The following GLIPR1L2 variants were observed in gnomAD, a reference collection of about 807,000 sequenced individuals.
GLIPR1L2 encodes GLIPR1 like 2.
In GLIPR1L2, 21 loss-of-function variants were observed where a neutral mutation model predicts 28.4. The ratio of observed to expected loss-of-function variants is 0.74; its 90% CI spans 0.52 to 1.06. GLIPR1L2 has a LOEUF of 1.06. Ranked by LOEUF, GLIPR1L2 falls within the 50% of genes least tolerant of loss-of-function variation. The pLI is 0.00. For synonymous variants in GLIPR1L2, 145 were observed against 139.3 expected (o/e 1.04, Z -0.29); for missense variants, 476 against 416.9 (o/e 1.14, Z -1.23).
intron 3 of GLIPR1L2, among the ~76,000 whole-genome samples, chr12:75,414,717 A>G (rs1044924159): frequency 6.6e-6 from 1 of 151,978 alleles, no homozygotes; most frequent in Non-Finnish European, 1.5e-5. Context: ...AAAAATTACT[A>G]CTGATTGGTC....
At chr12:75,408,706 TTA>T (rs2045829520) in intron 1 of GLIPR1L2, among the ~76,000 whole-genome samples, 1 of 151,996 alleles carries the variant, frequency 6.6e-6, no homozygotes, top group Non-Finnish European at 1.5e-5. Flanking sequence ...GCAAATCTAG[TTA>T]TGTTAATATG....
intron 1 of GLIPR1L2, among the ~76,000 whole-genome samples, chr12:75,408,659 G>A (rs1272912701): frequency 6.6e-6 from 1 of 151,966 alleles, no homozygotes; most frequent in African/African-American, 2.4e-5. Flanking sequence ...ATAGGTATCC[G>A]TGCTGCGGAA....
intron 1 of GLIPR1L2, among the ~76,000 whole-genome samples, chr12:75,400,327 C>T (rs758068527): frequency 4.6e-5 from 7 of 151,852 alleles, no homozygotes; most frequent in Non-Finnish European, 1.0e-4. Context: ...GTTTTCACCA[C>T]GTTATAGGAT....
chr12:75,406,539 T>G (rs2139934867), intron 1 of GLIPR1L2, among the ~76,000 whole-genome samples: 1 of 152,120 alleles, frequency 6.6e-6, no homozygotes, highest in Non-Finnish European at 1.5e-5. Flanking sequence ...GGAGGATCAC[T>G]TGAGCCCAGG....
chr12:75,391,437 G>A, intron 1 of GLIPR1L2, 87 bp downstream of exon 1: 1 of 1,600,726 alleles, frequency 6.2e-7, no homozygotes, highest in Non-Finnish European at 8.5e-7. Context: ...CCACTGCTCT[G>A]AGGCTGAAGG....
At chr12:75,411,716 C>G (rs2045869723) in intron 2 of GLIPR1L2, among the ~76,000 whole-genome samples, 1 of 151,944 alleles carries the variant, frequency 6.6e-6, no homozygotes, top group South Asian at 2.1e-4. Context: ...TGCAGATACT[C>G]TATTCTTTAT....
intron 1 of GLIPR1L2, among the ~76,000 whole-genome samples, chr12:75,391,827 C>T (rs2139905654): frequency 6.6e-6 from 1 of 151,886 alleles, no homozygotes; most frequent in Non-Finnish European, 1.5e-5. Context: ...TAGCTTTTTC[C>T]ATCATCGATG....
At chr12:75,399,954 T>G (rs1253331887) in intron 1 of GLIPR1L2, among the ~76,000 whole-genome samples, 1 of 152,186 alleles carries the variant, frequency 6.6e-6, no homozygotes, top group Non-Finnish European at 1.5e-5. Context: ...AAGGAAATGG[T>G]ATCCCTAAAC....
At position 75,409,185 on chromosome 12, in the gene GLIPR1L2, C is replaced by G. The variant is rs192655093; in HGVS notation, c.235-1249C>G. On this transcript the variant is annotated intron_variant, in intron 1 of 5. Coordinates refer to ENST00000550916, the MANE Select transcript of GLIPR1L2 (RefSeq NM_001270396.2). ...TAGTGTTAGTGTATTTTATGTGTGG[C>G]CTAAGACAATTCTTCTTCCAATGTG... Among the ~76,000 whole-genome samples the G allele has an allele frequency of 1.2e-3, 185 of 151,922 alleles. 1 individual carries two copies. Among genetic ancestry groups the G allele is most frequent in the African/African-American group, 4.1e-3 (170 of 41,488 alleles).
chr12:75,406,538 C>T (rs1181784607), intron 1 of GLIPR1L2, among the ~76,000 whole-genome samples: 1 of 152,000 alleles, frequency 6.6e-6, no homozygotes, highest in African/African-American at 2.4e-5. Flanking sequence ...GGGAGGATCA[C>T]TTGAGCCCAG....
At chr12:75,412,508 A>T (rs1018471828) in intron 2 of GLIPR1L2, among the ~76,000 whole-genome samples, 41 of 152,120 alleles carry the variant, frequency 2.7e-4, no homozygotes, top group Non-Finnish European at 5.1e-4. Flanking sequence ...GAAAAAAACA[A>T]ACAACCCCAT....
At chr12:75,391,976 G>A (rs1377264741) in intron 1 of GLIPR1L2, among the ~76,000 whole-genome samples, 3 of 151,550 alleles carry the variant, frequency 2.0e-5, no homozygotes, top group East Asian at 1.9e-4. Context: ...CTTACAATGC[G>A]GTTCTTGCTT....
chr12:75,403,279 G>T (rs2045762255), intron 1 of GLIPR1L2: 5 of 367,970 alleles, frequency 1.4e-5, no homozygotes, highest in Non-Finnish European at 2.7e-5. Context: ...TGTCTGAAAG[G>T]TCCCTTCTAG....
chr12:75,423,266 T>C (rs2045997777), intron 4 of GLIPR1L2: 1 of 1,240,384 alleles, frequency 8.1e-7, no homozygotes, highest in African/African-American at 1.6e-5. Flanking sequence ...CTTAAAAAGC[T>C]TCACAGTTTA....
intron 3 of GLIPR1L2, among the ~76,000 whole-genome samples, chr12:75,416,150 A>G (rs61932211): frequency 6.6e-5 from 10 of 152,134 alleles, no homozygotes; most frequent in Non-Finnish European, 1.5e-4. Flanking sequence ...GAATAAAATA[A>G]TCAAGCAACA....
At chr12:75,394,763 C>CAAAAAAAAAAAAA (rs71078727) in intron 1 of GLIPR1L2, among the ~76,000 whole-genome samples, 6 of 80,258 alleles carry the variant, frequency 7.5e-5, no homozygotes, top group Admixed American at 1.5e-4. Flanking sequence ...TGTATTTCTG[C>CAAAAAAAAAAAAA]AAAAAAAAAA....
At chr12:75,413,771 A>G in intron 3 of GLIPR1L2, 70 bp downstream of exon 3, 1 of 690,418 alleles carries the variant, frequency 1.4e-6, no homozygotes, top group Non-Finnish European at 2.3e-6. Flanking sequence ...TCTAACTTTT[A>G]ATATATTTTT....
At chr12:75,403,209 T>G (rs1225900169) in intron 1 of GLIPR1L2, 3 of 435,712 alleles carry the variant, frequency 6.9e-6, no homozygotes, top group African/African-American at 2.0e-5. Flanking sequence ...TGAGGATAGA[T>G]TTTTTGATTT....
intron 2 of GLIPR1L2, among the ~76,000 whole-genome samples, chr12:75,411,668 T>C (rs2139944447): frequency 6.6e-6 from 1 of 152,038 alleles, no homozygotes; most frequent in South Asian, 2.1e-4. Flanking sequence ...GACCTTTTCG[T>C]TTCCTGCATT....
Sources: gnomAD v4.1 joint callset for allele counts (sites outside exome capture counted in the v4.1 genomes callset) on GRCh38, gnomAD v4.1.1 for gene constraint, MANE v1.5 for transcripts, NCBI Gene and HGNC (gene_info 2026-07-23, HGNC 2026-07-21) for gene names.